SDK1: variants seen among roughly 807,000 people sequenced by gnomAD.
SDK1 encodes sidekick cell adhesion molecule 1.
In SDK1, 157 loss-of-function variants were observed where a neutral mutation model predicts 245.5. The observed-to-expected ratio is 0.64, with a 90% CI of 0.56 to 0.73. The LOEUF (loss-of-function observed/expected upper bound fraction) is 0.73. Among genes scored for constraint, SDK1 ranks in the 30% least tolerant of loss-of-function variants. The pLI is 0.00. For synonymous variants in SDK1, 1,647 were observed against 1,278.5 expected (o/e 1.29, Z -6.15); for missense variants, 3,583 against 3,002.3 (o/e 1.19, Z -4.52).
chr7:3,836,988 GC>G (rs1322955743), intron 5 of SDK1, among the ~76,000 whole-genome samples: 1 of 152,094 alleles, frequency 6.6e-6, no homozygotes, highest in African/African-American at 2.4e-5. Context: ...AGGGAGGCGA[GC>G]TTTAGAGAGC....
intron 5 of SDK1, among the ~76,000 whole-genome samples, chr7:3,902,407 C>T (rs1044924344): frequency 1.3e-5 from 2 of 152,158 alleles, no homozygotes; most frequent in Admixed American, 6.5e-5. Flanking sequence ...ATTGCTATAC[C>T]GATACTACTG....
chr7:3,457,229 C>G (rs118145849), intron 1 of SDK1, among the ~76,000 whole-genome samples: 2 of 152,120 alleles, frequency 1.3e-5, no homozygotes, highest in Admixed American at 1.3e-4. Flanking sequence ...TCAGGAAACA[C>G]GGGGCCTGGT....
chr7:4,123,916 G>C (rs538902484), intron 25 of SDK1, among the ~76,000 whole-genome samples: 1 of 152,192 alleles, frequency 6.6e-6, no homozygotes, highest in African/African-American at 2.4e-5. Flanking sequence ...ATCAGGGAGC[G>C]TGCCCCTTCC....
At chr7:4,094,382 A>C (rs1292503308) in intron 22 of SDK1, among the ~76,000 whole-genome samples, 1 of 152,170 alleles carries the variant, frequency 6.6e-6, no homozygotes, top group African/African-American at 2.4e-5. Flanking sequence ...TTTGAAAGCC[A>C]AATGGATTGC....
At chr7:3,571,582 G>A (rs187828975) in intron 1 of SDK1, among the ~76,000 whole-genome samples, 10 of 152,206 alleles carry the variant, frequency 6.6e-5, no homozygotes, top group Non-Finnish European at 8.8e-5. Context: ...GAGATTACAG[G>A]TGTGAGCCAC....
At position 3,962,018 on chromosome 7, in the gene SDK1, C is replaced by T. The variant is rs568058888; in HGVS notation, c.1235-639C>T. On this transcript the variant is annotated intron_variant, in intron 8 of 44. Transcript: ENST00000404826. ...ACACACACATACACACATGTAAACA[C>T]GTAGACACATGCACATATATACACA... Among the ~76,000 whole-genome samples, 6 of 152,218 alleles carry T rather than the reference C, an allele frequency of 3.9e-5. No individual in the cohort carries two copies. In the South Asian group the frequency reaches 6.2e-4, roughly 16 times the overall value.
chr7:3,702,402 A>G (rs1445270807), intron 4 of SDK1, among the ~76,000 whole-genome samples: 2 of 152,164 alleles, frequency 1.3e-5, no homozygotes, highest in Non-Finnish European at 2.9e-5. Context: ...CACTTCTTGG[A>G]AGTGATGATG....
chr7:4,047,079 T>C (rs1321719703), intron 17 of SDK1, among the ~76,000 whole-genome samples: 1 of 151,040 alleles, frequency 6.6e-6, no homozygotes, highest in East Asian at 1.9e-4. Context: ...ATCTATTTTA[T>C]GTTTTTAGAG....
intron 5 of SDK1, among the ~76,000 whole-genome samples, chr7:3,844,121 C>T (rs957562501): frequency 6.6e-6 from 1 of 152,088 alleles, no homozygotes; most frequent in Non-Finnish European, 1.5e-5. Context: ...CAGGTGCTCA[C>T]CACCATGCCC....
chr7:3,854,207 CCAT>C (rs150567344), intron 5 of SDK1, among the ~76,000 whole-genome samples: 2,122 of 152,170 alleles, frequency 0.014, 55 homozygotes, highest in African/African-American at 0.049. Context: ...GGTAGAGGAA[CCAT>C]AGAGGTTTTG....
chr7:3,535,697 T>A (rs1778863321), intron 1 of SDK1, among the ~76,000 whole-genome samples: 1 of 152,244 alleles, frequency 6.6e-6, no homozygotes, highest in South Asian at 2.1e-4. Context: ...TCAGATGTTT[T>A]CTGTGTATGT....
chr7:4,001,842 G>A (rs891643131), intron 14 of SDK1, among the ~76,000 whole-genome samples: 5 of 152,180 alleles, frequency 3.3e-5, no homozygotes, highest in East Asian at 1.9e-4. Context: ...CGTCCTCAGT[G>A]GTTTATCCCT....
chr7:3,740,243 T>G (rs950910303), intron 4 of SDK1, among the ~76,000 whole-genome samples: 2 of 152,176 alleles, frequency 1.3e-5, no homozygotes, highest in African/African-American at 2.4e-5. Flanking sequence ...GGTGAGATAT[T>G]AGAGCCTTTT....
intron 2 of SDK1, among the ~76,000 whole-genome samples, chr7:3,637,488 C>G (rs2128650486): frequency 6.6e-6 from 1 of 152,332 alleles, no homozygotes; most frequent in East Asian, 1.9e-4. Context: ...AACTCAATTA[C>G]TCTACCATCT....
chr7:3,403,978 C>G (rs141778005), intron 1 of SDK1, among the ~76,000 whole-genome samples: 1 of 149,752 alleles, frequency 6.7e-6, no homozygotes, highest in South Asian at 2.1e-4. Context: ...GTGAATCACA[C>G]AAATTTTGTG....
intron 1 of SDK1, among the ~76,000 whole-genome samples, chr7:3,568,209 GTTTAATATGCATTTAA>G (rs1779988852): frequency 6.6e-6 from 1 of 152,044 alleles, no homozygotes; most frequent in African/African-American, 2.4e-5. Flanking sequence ...TTAATATGTA[GTTTAATATGCATTTAA>G]TTTAATATGC....
At chr7:3,612,873 C>T (rs188004977) in intron 1 of SDK1, among the ~76,000 whole-genome samples, 10 of 152,224 alleles carry the variant, frequency 6.6e-5, no homozygotes, top group Admixed American at 3.3e-4. Context: ...GTCACTTCAC[C>T]GGGACACGTG....
intron 29 of SDK1, 90 bp from the exon 30 acceptor site, chr7:4,149,172 C>A: frequency 1.9e-6 from 2 of 1,063,222 alleles, no homozygotes; most frequent in Non-Finnish European, 2.5e-6. Context: ...GGCAAGCAGT[C>A]AGCCCTGTAC....
At chr7:3,731,575 T>C (rs1006602664) in intron 4 of SDK1, among the ~76,000 whole-genome samples, 1 of 152,242 alleles carries the variant, frequency 6.6e-6, no homozygotes, top group Non-Finnish European at 1.5e-5. Flanking sequence ...GAGATGCACC[T>C]GAGCAGGCAT....
Sources: gnomAD v4.1 joint callset for allele counts (sites outside exome capture counted in the v4.1 genomes callset) on GRCh38, gnomAD v4.1.1 for gene constraint, MANE v1.5 for transcripts, NCBI Gene and HGNC (gene_info 2026-07-23, HGNC 2026-07-21) for gene names.